The following UNC80 variants were observed in gnomAD, a reference collection of about 807,000 sequenced individuals.
UNC80 encodes the protein protein unc-80 homolog.
UNC80 carries 164 observed loss-of-function variants against 384.6 expected under a neutral mutation model. The observed-to-expected ratio is 0.43, with a 90% CI of 0.38 to 0.49. The LOEUF (loss-of-function observed/expected upper bound fraction) is 0.49. UNC80 is among the 20% of genes least tolerant of loss of function. UNC80 has a pLI of 0.00. For synonymous variants in UNC80, 1,486 were observed against 1,527.8 expected, an observed-to-expected ratio of 0.97 and a Z score of 0.64; for missense variants, 3,330 against 4,143.0, an observed-to-expected ratio of 0.80 and a Z score of 5.39.
At chr2:209,992,021 A>T in intron 61 of UNC80, 145 bp from the exon 62 acceptor site, 2 of 566,284 alleles carry the variant, frequency 3.5e-6, no homozygotes, top group Non-Finnish European at 5.9e-6. Flanking sequence ...GAAAACACCC[A>T]TCCCAGGGAC....
intron 61 of UNC80, among the ~76,000 whole-genome samples, chr2:209,991,310 CT>C (rs904727508): frequency 6.6e-6 from 1 of 152,178 alleles, no homozygotes. Flanking sequence ...CAGGATACTT[CT>C]TTTTTCATCC....
At chr2:209,939,705 GT>G (rs942429552) in intron 43 of UNC80, 53 bp downstream of exon 43, 36 of 1,407,508 alleles carry the variant, frequency 2.6e-5, no homozygotes, top group South Asian at 4.8e-5. Context: ...CACACTTGTT[GT>G]TTTTTTTTAA....
rs2081553344 is a variant in UNC80, at chr2:209,839,096, A to G, written c.3042-126A>G. 2.0e-5 allele frequency: 17 copies of G among 832,304 alleles called. No individual in the cohort carries two copies. Among genetic ancestry groups the G allele is most frequent in the Non-Finnish European group, 3.2e-5 (17 of 535,674 alleles). The allele number at this position is 832,304 out of a possible 1,614,324, so 51.6% of individuals were successfully genotyped here. A position where few individuals can be genotyped will look rare whatever the true frequency, so the allele number is the denominator to read the frequency against. On this transcript the variant is annotated intron_variant, in intron 18 of 64. Transcript: ENST00000673920. This position sits in a 1 kb window ranked among gnomAD's most constrained non-coding sequence, Gnocchi z 4.1. ...CCACTTCAATGCCCACTCTTCCCAC[A>G]TTTCAGCCCATCAAAGATCATTTTG...
chr2:209,809,245 T>G (rs2079153390), intron 7 of UNC80: 1 of 713,328 alleles, frequency 1.4e-6, no homozygotes, highest in East Asian at 2.6e-5. Flanking sequence ...TCAAAAAGCC[T>G]TCAACTGCCA....
intron 64 of UNC80, among the ~76,000 whole-genome samples, chr2:209,994,969 C>A (rs1386542482): frequency 1.3e-5 from 2 of 151,754 alleles, no homozygotes; most frequent in East Asian, 1.9e-4. Flanking sequence ...TAAATGAATT[C>A]TTAGAGTGTC....
At chr2:209,819,458 A>G (rs944542842) in intron 12 of UNC80, among the ~76,000 whole-genome samples, 197 bp downstream of exon 12, 6 of 151,728 alleles carry the variant, frequency 4.0e-5, no homozygotes, top group African/African-American at 9.7e-5. Context: ...GCATTGCATT[A>G]GATTTGATCT....
chr2:209,787,158 A>ATGTCCCTGCATGGAAGTACTT (rs1559088597), intron 5 of UNC80, among the ~76,000 whole-genome samples: 1 of 152,110 alleles, frequency 6.6e-6, no homozygotes, highest in Admixed American at 6.5e-5. Context: ...CTAAGAAACC[A>ATGTCCCTGCATGGAAGTACTT]GACTCAGCTT....
intron 4 of UNC80, among the ~76,000 whole-genome samples, chr2:209,778,660 A>G (rs950192052): frequency 2.6e-5 from 4 of 152,182 alleles, no homozygotes; most frequent in African/African-American, 7.2e-5. Flanking sequence ...CACGGGGTGA[A>G]TATATATGTA....
At chr2:209,832,126 G>T (rs533835679) in intron 16 of UNC80, among the ~76,000 whole-genome samples, 13 of 152,210 alleles carry the variant, frequency 8.5e-5, no homozygotes, top group Non-Finnish European at 1.8e-4. Flanking sequence ...AAGGCATTAA[G>T]AATGACACAG....
At chr2:209,831,312 C>A in intron 15 of UNC80, 131 bp from the exon 16 acceptor site, 1 of 899,900 alleles carries the variant, frequency 1.1e-6, no homozygotes, top group Non-Finnish European at 1.6e-6. Context: ...AAACCTGGGG[C>A]ATCTTTAATT....
chr2:209,939,392 T>C, intron 42 of UNC80, 80 bp from the exon 43 acceptor site: 1 of 1,362,500 alleles, frequency 7.3e-7, no homozygotes, highest in South Asian at 1.8e-5. Flanking sequence ...CCATTAAAGG[T>C]TTTCCTTTAG....
intron 8 of UNC80, 117 bp downstream of exon 8, chr2:209,813,958 T>G: frequency 7.7e-7 from 1 of 1,291,356 alleles, no homozygotes; most frequent in South Asian, 1.6e-5. Context: ...GTTGGTGGGT[T>G]ACACTGTTTC....
chr2:209,840,830 C>T (rs1345013915), intron 20 of UNC80, among the ~76,000 whole-genome samples, 182 bp downstream of exon 20: 17 of 152,098 alleles, frequency 1.1e-4, no homozygotes, highest in Admixed American at 1.1e-3. Context: ...AGTAGGCTAT[C>T]ATAGGAAGGG....
rs34002751 is a variant in UNC80, at chr2:209,903,320, ATGTG to A, written c.4582-1416_4582-1413del. Among the ~76,000 whole-genome samples the A allele has an allele frequency of 2.3e-3, 241 of 105,780 alleles. 2 individuals carry two copies. The highest frequency in any genetic ancestry group is 7.4e-3 in the African/African-American group (206 of 27,794). 69.4% of individuals were successfully genotyped at this position (105,780 alleles called of 152,430 possible). Reference sequence around the variant, plus strand: ...ATATACAATATATATATTATATTATATGTGTGTGTGTGTGTGTGTGTGTGTGTGT... The same window carrying A: ...ATATACAATATATATATTATATTATATGTGTGTGTGTGTGTGTGTGTGTGT... On this transcript the variant is annotated intron_variant, in intron 28 of 64. Coordinates refer to ENST00000673920, the MANE Select transcript of UNC80 (RefSeq NM_001371986.1).
chr2:209,867,954 T>C (rs1225395642), intron 22 of UNC80, among the ~76,000 whole-genome samples: 1 of 152,220 alleles, frequency 6.6e-6, no homozygotes, highest in Non-Finnish European at 1.5e-5. Context: ...TCATTTGGTT[T>C]TTAAAATACC....
At chr2:209,781,790 T>C (rs1263094224) in intron 4 of UNC80, among the ~76,000 whole-genome samples, 2 of 152,182 alleles carry the variant, frequency 1.3e-5, no homozygotes, top group African/African-American at 4.8e-5. Flanking sequence ...AAATCCAGGC[T>C]CCTATCTTTG....
At chr2:209,887,645 A>G (rs1409403983) in intron 25 of UNC80, among the ~76,000 whole-genome samples, 4 of 152,168 alleles carry the variant, frequency 2.6e-5, no homozygotes, top group Non-Finnish European at 5.9e-5. Flanking sequence ...CTTAAAATTT[A>G]TCACTTGTTT....
chr2:209,912,362 G>A (rs1455993744), intron 29 of UNC80, among the ~76,000 whole-genome samples, 198 bp from the exon 30 acceptor site: 1 of 152,044 alleles, frequency 6.6e-6, no homozygotes, highest in African/African-American at 2.4e-5. Flanking sequence ...ATATCTCTAA[G>A]CTAATTTTTT....
intron 38 of UNC80, among the ~76,000 whole-genome samples, chr2:209,932,518 T>C (rs944909229): frequency 3.9e-5 from 6 of 152,126 alleles, no homozygotes; most frequent in Non-Finnish European, 8.8e-5. Context: ...ACCTGCCCCT[T>C]CCCCAGGTCA....
Sources: allele counts gnomAD v4.1 joint callset (sites outside exome capture counted in the v4.1 genomes callset), GRCh38; gene constraint gnomAD v4.1.1; non-coding constraint Gnocchi (gnomAD v3.1); transcripts MANE v1.5; gene names NCBI Gene and HGNC (gene_info 2026-07-23, HGNC 2026-07-21).